The following NFIA variants were observed in gnomAD, a reference collection of about 807,000 sequenced individuals.
The protein encoded by NFIA is nuclear factor I A.
A neutral mutation model predicts 62.8 loss-of-function variants in NFIA; 8 were observed. The observed-to-expected ratio is 0.13, with a 90% CI of 0.07 to 0.23. The LOEUF is 0.23. NFIA is among the 10% of genes least tolerant of loss of function. NFIA has a pLI of 1.00. For synonymous variants in NFIA, 235 were observed against 238.1 expected, an observed-to-expected ratio of 0.99 and a Z score of 0.12; for missense variants, 410 against 642.1, an observed-to-expected ratio of 0.64 and a Z score of 3.91.
intron 4 of NFIA, among the ~76,000 whole-genome samples, chr1:61,348,860 A>G (rs1268924757): frequency 2.0e-5 from 3 of 152,130 alleles, no homozygotes; most frequent in Non-Finnish European, 4.4e-5. Flanking sequence ...CAGGAATGAA[A>G]CGGCTTCTCC....
intron 3 of NFIA, among the ~76,000 whole-genome samples, chr1:61,327,838 A>G (rs945865073): frequency 3.3e-5 from 5 of 152,322 alleles, no homozygotes; most frequent in South Asian, 2.1e-4. Context: ...AGAAATCTCC[A>G]TACTGTTTCA....
At chr1:61,083,920 T>C (rs1263150401) in intron 1 of NFIA, among the ~76,000 whole-genome samples, 1 of 151,970 alleles carries the variant, frequency 6.6e-6, no homozygotes, top group Non-Finnish European at 1.5e-5. Flanking sequence ...CTCCCTTGTC[T>C]ACCCACCCCC....
At chr1:61,143,688 G>GCCTT (rs775112716) in intron 2 of NFIA, among the ~76,000 whole-genome samples, 3 of 152,142 alleles carry the variant, frequency 2.0e-5, no homozygotes, top group Non-Finnish European at 4.4e-5. Context: ...ACTGTGCCTT[G>GCCTT]CCTTCATATG....
chr1:61,082,727 C>G lies in NFIA; in HGVS notation c.-65C>G. On this transcript the variant is annotated 5_prime_UTR_variant, in exon 1 of 11. Coordinates refer to ENST00000403491, the MANE Select transcript of NFIA (RefSeq NM_001134673.4). ...CTCTCCCTCTTTCTCCTCTCTCACC[C>G]ACACTCACGCACACCTCCAAACCGC... 1 of 1,550,282 alleles carries G rather than the reference C, an allele frequency of 6.5e-7. No homozygotes were observed. Among genetic ancestry groups the G allele is most frequent in the Non-Finnish European group, 8.7e-7 (1 of 1,146,240 alleles).
At chr1:61,441,292 G>GGGGTGT (rs1265393029) in intron 10 of NFIA, among the ~76,000 whole-genome samples, 6 of 139,372 alleles carry the variant, frequency 4.3e-5, no homozygotes, top group East Asian at 2.2e-4. Flanking sequence ...GCCGTGCAGG[G>GGGGTGT]GTGTGTGTGT....
intron 7 of NFIA, among the ~76,000 whole-genome samples, chr1:61,396,019 A>G (rs1665250994): frequency 6.6e-6 from 1 of 152,202 alleles, no homozygotes. Context: ...ACTGAATTCT[A>G]TACATCCACT....
At chr1:61,107,268 A>T (rs553235912) in intron 2 of NFIA, among the ~76,000 whole-genome samples, 26 of 151,682 alleles carry the variant, frequency 1.7e-4, no homozygotes, top group Middle Eastern at 3.4e-3. Context: ...CTAACAAGTT[A>T]TGCCTGTTTA....
In NFIA at chr1:61,088,784, C is replaced by G; in HGVS notation, c.559+104C>G. On this transcript the variant is annotated intron_variant, in intron 2 of 10. Coordinates refer to ENST00000403491, the MANE Select transcript of NFIA (RefSeq NM_001134673.4). This position sits in a 1 kb window ranked among gnomAD's most constrained non-coding sequence, Gnocchi z 4.5. ...TTCCTGAGCTCCCCAAGTTGCAGGC[C>G]ACGTACATGAAGCCAGTGTGGTTTC... 7.6e-7 allele frequency: 1 copy of G among 1,312,560 alleles called. No homozygotes were observed. Among genetic ancestry groups the G allele is most frequent in the Non-Finnish European group, 1.0e-6 (1 of 962,686 alleles). 81.3% of individuals were successfully genotyped at this position (1,312,560 alleles called of 1,614,324 possible).
chr1:61,229,136 A>G (rs893846890), intron 2 of NFIA, among the ~76,000 whole-genome samples: 21 of 150,762 alleles, frequency 1.4e-4, no homozygotes, highest in African/African-American at 5.1e-4. Flanking sequence ...GGTAAAAGAA[A>G]AAAAAAAAGC....
chr1:61,100,384 G>T (rs983243979), intron 2 of NFIA, among the ~76,000 whole-genome samples: 8 of 152,144 alleles, frequency 5.3e-5, no homozygotes, highest in Admixed American at 3.3e-4. Flanking sequence ...TGGCAGTTCA[G>T]TTCAGCAGAT....
chr1:61,271,612 G>GCA (rs1172625570), intron 2 of NFIA, among the ~76,000 whole-genome samples: 1 of 152,168 alleles, frequency 6.6e-6, no homozygotes, highest in Non-Finnish European at 1.5e-5. Flanking sequence ...AGTGGCTGCT[G>GCA]CAGGAACACA....
At chr1:61,193,487 A>G (rs189035321) in intron 2 of NFIA, among the ~76,000 whole-genome samples, 1 of 152,320 alleles carries the variant, frequency 6.6e-6, no homozygotes, top group East Asian at 1.9e-4. Flanking sequence ...GAGAGAGGGA[A>G]TAGCTCCTGA....
Position 61,301,940 on chromosome 1 carries a change from C to G in NFIA, c.625+24355C>G, listed in dbSNP as rs141313328. ...GTTGGCAGCACTTAGCCGCTGCTGA[C>G]CTGGTAACCTTTCCTTTGAGTCTCA... On this transcript the variant is annotated intron_variant, in intron 3 of 10. Coordinates refer to ENST00000403491, the MANE Select transcript of NFIA (RefSeq NM_001134673.4). Among the ~76,000 whole-genome samples the G allele has an allele frequency of 7.1e-3, 1,081 of 152,304 alleles. 9 individuals are homozygous for G. The highest frequency in any genetic ancestry group is 9.5e-3 in the Non-Finnish European group (648 of 68,016).
chr1:61,234,315 C>T (rs559647072), intron 2 of NFIA, among the ~76,000 whole-genome samples: 2 of 148,752 alleles, frequency 1.3e-5, no homozygotes, highest in Non-Finnish European at 3.0e-5. Context: ...TGCGGTGAAC[C>T]GAGATCGTGC....
intron 9 of NFIA, among the ~76,000 whole-genome samples, chr1:61,414,096 C>T (rs761095650): frequency 4.6e-5 from 7 of 152,124 alleles, no homozygotes; most frequent in Non-Finnish European, 7.3e-5. Context: ...GATTCTCATG[C>T]CTCAGCCTCC....
intron 10 of NFIA, among the ~76,000 whole-genome samples, chr1:61,453,321 C>T (rs890653256): frequency 3.3e-5 from 5 of 151,436 alleles, no homozygotes; most frequent in Admixed American, 6.6e-5. Flanking sequence ...ACTTGGGGGA[C>T]TTGAAAAGAG....
chr1:61,155,186 A>C (rs1288978713), intron 2 of NFIA, among the ~76,000 whole-genome samples: 2 of 152,200 alleles, frequency 1.3e-5, no homozygotes, highest in East Asian at 1.9e-4. Flanking sequence ...TTTTATCAAG[A>C]ATATAATTGA....
chr1:61,313,669 A>G (rs1038468865), intron 3 of NFIA, among the ~76,000 whole-genome samples: 23 of 152,180 alleles, frequency 1.5e-4, no homozygotes, highest in African/African-American at 5.1e-4. Context: ...GGTTTGGGTA[A>G]AATCTACTGA....
intron 2 of NFIA, among the ~76,000 whole-genome samples, chr1:61,219,656 G>A (rs1356513839): frequency 6.8e-6 from 1 of 148,112 alleles, no homozygotes; most frequent in Admixed American, 6.8e-5. Context: ...GGAGCTTGCA[G>A]TGAGCCGAGA....
Sources: allele counts gnomAD v4.1 joint callset (sites outside exome capture counted in the v4.1 genomes callset), GRCh38; gene constraint gnomAD v4.1.1; non-coding constraint Gnocchi (gnomAD v3.1); transcripts MANE v1.5; gene names NCBI Gene and HGNC (gene_info 2026-07-23, HGNC 2026-07-21).